RASGRF2: variants seen among roughly 807,000 people sequenced by gnomAD.
RASGRF2 encodes Ras protein specific guanine nucleotide releasing factor 2, also known as ras-specific guanine nucleotide-releasing factor 2.
RASGRF2 carries 76 observed loss-of-function variants against 151.0 expected under a neutral mutation model. The ratio of observed to expected loss-of-function variants is 0.50; its 90% confidence interval spans 0.42 to 0.61. The LOEUF (loss-of-function observed/expected upper bound fraction) is 0.61, where lower values mean the gene tolerates loss of function less well. Among genes scored for constraint, RASGRF2 ranks in the 20% least tolerant of loss-of-function variants. The pLI, the probability that RASGRF2 is intolerant of heterozygous loss-of-function variation, is 0.00. For missense variants in RASGRF2, 1,148 were observed against 1,564.6 expected (o/e 0.73, Z 4.49); for synonymous variants, 504 against 566.5 (o/e 0.89, Z 1.57).
intron 1 of RASGRF2, among the ~76,000 whole-genome samples, chr5:81,006,673 C>G (rs951297749): frequency 1.3e-5 from 2 of 152,174 alleles, no homozygotes; most frequent in Non-Finnish European, 2.9e-5. Flanking sequence ...GAGGAAGGAG[C>G]CTTGAGACCT....
chr5:81,134,405 G>A (rs925372246), intron 17 of RASGRF2, among the ~76,000 whole-genome samples: 7 of 152,012 alleles, frequency 4.6e-5, no homozygotes, highest in African/African-American at 1.7e-4. Flanking sequence ...CACCTTGGAC[G>A]GTTTCTCTCT....
chr5:80,981,749 A>G (rs999572990), intron 1 of RASGRF2, among the ~76,000 whole-genome samples: 5 of 152,144 alleles, frequency 3.3e-5, no homozygotes, highest in Non-Finnish European at 7.4e-5. Context: ...TACTTTTAGT[A>G]GAAAAGGGAT....
At chr5:81,183,824 C>T (rs1754969461) in intron 18 of RASGRF2, among the ~76,000 whole-genome samples, 1 of 152,172 alleles carries the variant, frequency 6.6e-6, no homozygotes, top group Admixed American at 6.5e-5. Context: ...TGAGAACAAC[C>T]ATCCCTGCTT....
At chr5:81,116,682 C>G (rs1753169153) in intron 15 of RASGRF2, among the ~76,000 whole-genome samples, 1 of 151,996 alleles carries the variant, frequency 6.6e-6, no homozygotes, top group South Asian at 2.1e-4. Flanking sequence ...TGAATAATAC[C>G]CCATTTTCTT....
chr5:81,176,900 T>C (rs1754786726), intron 17 of RASGRF2, among the ~76,000 whole-genome samples: 1 of 152,158 alleles, frequency 6.6e-6, no homozygotes. Context: ...ACAAGTTTCT[T>C]AGTAGTCTCC....
In RASGRF2 at chr5:81,094,845, A is replaced by C; in HGVS notation, c.1619-11A>C. On this transcript the variant is annotated splice_polypyrimidine_tract_variant and intron_variant, in intron 11 of 26. Transcript: ENST00000265080. ...ATTCTCATCTAATTGTTTGCTTTAC[A>C]TGTGTTCAAGCTAAAGGTTCTGGGC... is the stretch of plus-strand genomic sequence containing the variant. 6.3e-7 allele frequency: 1 copy of C among 1,586,802 alleles called. No individual in the cohort carries two copies. The highest frequency in any genetic ancestry group is 1.3e-5 in the African/African-American group (1 of 74,170).
chr5:80,960,743 A>T lies in RASGRF2; in HGVS notation c.5A>T (p.Gln2Leu), dbSNP rs753529172. ...TGAGCCCTCCGCACCCGCACCATGC[A>T]GAAGAGCGTGCGCTACAACGAGGGG... MQKSVRYNEGHA... is the reference protein window; with the variant it reads MLKSVRYNEGHA... Residue 2 changes from glutamine to leucine, a missense_variant, in exon 1 of 27, where the codon CAG (glutamine) becomes CTG (leucine). Transcript: ENST00000265080. The surrounding 1 kb of genome is among the most constrained non-coding windows in gnomAD (Gnocchi z 5.5). The T allele has an allele frequency of 1.1e-5, 18 of 1,588,346 alleles. 1 individual carries two copies. The South Asian group carries it at 1.9e-4, about 17-fold the overall frequency.
At chr5:81,067,533 G>A (rs909754562) in intron 2 of RASGRF2, among the ~76,000 whole-genome samples, 1 of 152,196 alleles carries the variant, frequency 6.6e-6, no homozygotes, top group African/African-American at 2.4e-5. Context: ...GCCCAACAGA[G>A]TTGGTAGTCA....
intron 2 of RASGRF2, among the ~76,000 whole-genome samples, chr5:81,044,246 C>T (rs1039741802): frequency 6.6e-6 from 1 of 152,016 alleles, no homozygotes; most frequent in Admixed American, 6.6e-5. Context: ...GGTGAAACCC[C>T]GTCTCTACTA....
Position 81,183,927 on chromosome 5 carries a change from T to C in RASGRF2, c.2793+3646T>C, listed in dbSNP as rs565007232. Among the ~76,000 whole-genome samples the C allele has an allele frequency of 2.3e-3, 347 of 152,360 alleles. 1 individual carries two copies. Among genetic ancestry groups the C allele is most frequent in the African/African-American group, 8.0e-3 (331 of 41,580 alleles). On this transcript the variant is annotated intron_variant, in intron 18 of 26. Transcript: ENST00000265080. Reference sequence around the variant, plus strand: ...TGTGTGATGAAATCCCTTTTGGCTATGGACAGGAGAGATGCACATTTCATC... The same window carrying C: ...TGTGTGATGAAATCCCTTTTGGCTACGGACAGGAGAGATGCACATTTCATC...
chr5:81,059,084 G>A (rs567551520), intron 2 of RASGRF2, among the ~76,000 whole-genome samples: 4 of 152,098 alleles, frequency 2.6e-5, no homozygotes, highest in African/African-American at 4.8e-5. Flanking sequence ...GTGGGATCCC[G>A]TTAAAAACTG....
chr5:81,100,225 A>G (rs533142081), intron 12 of RASGRF2, among the ~76,000 whole-genome samples: 30 of 152,134 alleles, frequency 2.0e-4, no homozygotes, highest in African/African-American at 7.2e-4. Flanking sequence ...TCTAAATCTT[A>G]CTTTTTCTGG....
chr5:81,004,677 A>G (rs1019018402), intron 1 of RASGRF2, among the ~76,000 whole-genome samples: 1 of 152,232 alleles, frequency 6.6e-6, no homozygotes, highest in African/African-American at 2.4e-5. Flanking sequence ...TTGAGGTGGT[A>G]TACACAGCAA....
At chr5:81,156,542 A>C (rs1353016024) in intron 17 of RASGRF2, among the ~76,000 whole-genome samples, 1 of 152,226 alleles carries the variant, frequency 6.6e-6, no homozygotes, top group African/African-American at 2.4e-5. Flanking sequence ...AGGTTGGTTT[A>C]ATATCAGTCA....
intron 12 of RASGRF2, chr5:81,096,094 A>T (rs541041425): frequency 6.6e-6 from 1 of 152,242 alleles, no homozygotes; most frequent in Admixed American, 6.5e-5. Context: ...TAGCGCTCTA[A>T]ACATCCTCTA....
At chr5:81,110,789 A>C (rs1404751169) in intron 13 of RASGRF2, among the ~76,000 whole-genome samples, 1 of 152,196 alleles carries the variant, frequency 6.6e-6, no homozygotes, top group Non-Finnish European at 1.5e-5. Context: ...TCTTTTTACG[A>C]ATGAGCAAAT....
At chr5:81,180,096 T>C in intron 17 of RASGRF2, 79 bp from the exon 18 acceptor site, 1 of 794,654 alleles carries the variant, frequency 1.3e-6, no homozygotes, top group Non-Finnish European at 2.2e-6. Flanking sequence ...TTAACCAATG[T>C]CCTAAAATAT....
At chr5:81,180,558 C>T (rs905268739) in intron 18 of RASGRF2, among the ~76,000 whole-genome samples, 1 of 152,124 alleles carries the variant, frequency 6.6e-6, no homozygotes, top group Non-Finnish European at 1.5e-5. Flanking sequence ...CACCCATGGG[C>T]ACCTGAGCCA....
intron 1 of RASGRF2, among the ~76,000 whole-genome samples, chr5:80,990,053 G>C (rs1409062019): frequency 6.6e-6 from 1 of 152,108 alleles, no homozygotes; most frequent in Non-Finnish European, 1.5e-5. Flanking sequence ...AGGGCAGATG[G>C]CTTTGTGTAT....
Sources: allele counts gnomAD v4.1 joint callset (sites outside exome capture counted in the v4.1 genomes callset), GRCh38; gene constraint gnomAD v4.1.1; non-coding constraint Gnocchi (gnomAD v3.1); transcripts MANE v1.5; gene names NCBI Gene and HGNC (gene_info 2026-07-23, HGNC 2026-07-21).